ABAT: variants seen among roughly 807,000 people sequenced by gnomAD.
The protein encoded by ABAT is 4-aminobutyrate aminotransferase.
ABAT carries 45 observed loss-of-function variants against 64.6 expected under a neutral mutation model. The ratio of observed to expected loss-of-function variants is 0.70; its 90% confidence interval spans 0.55 to 0.89. The LOEUF is 0.89. ABAT is among the 40% of genes least tolerant of loss of function. The pLI, the probability that ABAT is intolerant of heterozygous loss-of-function variation, is 0.00. For missense variants in ABAT, 633 were observed against 658.4 expected (o/e 0.96, Z 0.42); for synonymous variants, 297 against 250.5 (o/e 1.19, Z -1.75).
intron 1 of ABAT, chr16:8,713,999 C>A (rs886416630): frequency 9.1e-6 from 4 of 437,462 alleles, no homozygotes; most frequent in East Asian, 7.1e-5. Flanking sequence ...CGGGGGGGCA[C>A]ACACCCTTGT....
intron 1 of ABAT, among the ~76,000 whole-genome samples, chr16:8,703,168 C>T (rs1349521593): frequency 2.0e-5 from 3 of 151,930 alleles, no homozygotes; most frequent in African/African-American, 7.3e-5. Flanking sequence ...TGTTAAGGGC[C>T]GGGTGCAGTG....
intron 5 of ABAT, among the ~76,000 whole-genome samples, chr16:8,755,638 C>G (rs370240387): frequency 6.6e-6 from 1 of 152,188 alleles, no homozygotes; most frequent in East Asian, 1.9e-4. Context: ...AGGCCGGGTT[C>G]GGTGGCTCAC....
intron 2 of ABAT, among the ~76,000 whole-genome samples, chr16:8,739,369 A>G (rs2142487220): frequency 6.6e-6 from 1 of 152,330 alleles, no homozygotes; most frequent in African/African-American, 2.4e-5. Flanking sequence ...TCATCAGGAA[A>G]ACGGGTCTAA....
intron 1 of ABAT, chr16:8,713,749 C>T (rs2058132964): frequency 5.5e-5 from 22 of 401,790 alleles, no homozygotes; most frequent in South Asian, 3.1e-4. Context: ...TGGTGCCCAA[C>T]GGCACCTCTT....
chr16:8,720,893 G>A (rs1213455169), intron 1 of ABAT: 1 of 152,276 alleles, frequency 6.6e-6, no homozygotes, highest in Non-Finnish European at 1.5e-5. Context: ...TGCATGCAAA[G>A]AGTTCGTGTT....
intron 6 of ABAT, among the ~76,000 whole-genome samples, chr16:8,761,116 C>A (rs2059783608): frequency 6.6e-6 from 1 of 151,768 alleles, no homozygotes; most frequent in Admixed American, 6.6e-5. Context: ...TCCCAGAAAA[C>A]AAAGGCCCAG....
At chr16:8,698,678 C>T (rs1172292870) in intron 1 of ABAT, among the ~76,000 whole-genome samples, 6 of 151,878 alleles carry the variant, frequency 4.0e-5, no homozygotes, top group East Asian at 3.9e-4. Flanking sequence ...GGCACGGTGG[C>T]TTATGCCTGT....
At chr16:8,733,817 G>A (rs1015626169) in intron 1 of ABAT, among the ~76,000 whole-genome samples, 3 of 144,724 alleles carry the variant, frequency 2.1e-5, no homozygotes, top group Non-Finnish European at 4.4e-5. Context: ...CGTGGAAAGA[G>A]AGGGAGAGGG....
At chr16:8,732,647 C>T (rs1378365864) in intron 1 of ABAT, among the ~76,000 whole-genome samples, 3 of 151,580 alleles carry the variant, frequency 2.0e-5, no homozygotes, top group Admixed American at 6.5e-5. Context: ...GGCAACCATC[C>T]GATTTCTCAA....
At position 8,770,461 on chromosome 16, in the gene ABAT, C is replaced by A. The variant is rs867678988; in HGVS notation, c.816+1488C>A. ...TTCTTTTCTTTTGTTTTGTTTGAGA[C>A]AGGGTCTCACTCTGTCACCCAGGCT... On this transcript the variant is annotated intron_variant, in intron 11 of 15. Transcript: ENST00000268251. Among the ~76,000 whole-genome samples the A allele has an allele frequency of 1.2e-4, 18 of 146,378 alleles. No individual in the cohort carries two copies. In the Middle Eastern group the frequency reaches 0.019, roughly 152 times the overall value.
chr16:8,756,236 G>A (rs1240556345), intron 5 of ABAT, among the ~76,000 whole-genome samples: 1 of 152,078 alleles, frequency 6.6e-6, no homozygotes, highest in Non-Finnish European at 1.5e-5. Context: ...GAGGGGAGGG[G>A]AAGGAATGGG....
At position 8,776,782 on chromosome 16, in the gene ABAT, T is replaced by G. The variant is rs1164073818; in HGVS notation, c.1269+292T>G. Among the ~76,000 whole-genome samples the G allele has an allele frequency of 6.6e-6, 1 of 152,196 alleles. No individual in the cohort carries two copies. The highest frequency in any genetic ancestry group is 2.4e-5 in the African/African-American group (1 of 41,456). On this transcript the variant is annotated intron_variant, in intron 14 of 15. Coordinates refer to ENST00000268251, the MANE Select transcript of ABAT (RefSeq NM_020686.6). The surrounding 1 kb of genome is among the most constrained non-coding windows in gnomAD (Gnocchi z 4.4). ...AATATTGAGACATGGTCAAGCTCTGTTAGCCAGTCCGGCCTTGAACTCCTG... is the reference window on the plus strand; with the variant it reads ...AATATTGAGACATGGTCAAGCTCTGGTAGCCAGTCCGGCCTTGAACTCCTG...
Position 8,764,396 on chromosome 16 carries a change from A to T in ABAT, c.447+247A>T, listed in dbSNP as rs1301892787. 1.3e-5 allele frequency among the ~76,000 whole-genome samples: 2 copies of T among 152,130 alleles called. No individual in the cohort carries two copies. Among genetic ancestry groups the T allele is most frequent in the Non-Finnish European group, 2.9e-5 (2 of 68,020 alleles). On this transcript the variant is annotated intron_variant, in intron 7 of 15. Coordinates refer to ENST00000268251, the MANE Select transcript of ABAT (RefSeq NM_020686.6). This position sits in a 1 kb window ranked among gnomAD's most constrained non-coding sequence, Gnocchi z 4.2. ...ATAGGAGCCTTGCATATGTCATTCA[A>T]TCCTGCCCCCACTTCTCGGTTTTAG...
chr16:8,742,463 C>T (rs940711645), intron 2 of ABAT, among the ~76,000 whole-genome samples: 4 of 152,146 alleles, frequency 2.6e-5, no homozygotes, highest in African/African-American at 9.7e-5. Flanking sequence ...AAGATCTGCA[C>T]TGGTGAAGAG....
At chr16:8,773,286 G>C (rs558514486) in intron 12 of ABAT, among the ~76,000 whole-genome samples, 1 of 151,994 alleles carries the variant, frequency 6.6e-6, no homozygotes, top group South Asian at 2.1e-4. Context: ...CGAGTAGCTG[G>C]GACTACAGGC....
chr16:8,777,169 G>T (rs1270848957), intron 14 of ABAT, among the ~76,000 whole-genome samples: 1 of 152,146 alleles, frequency 6.6e-6, no homozygotes, highest in African/African-American at 2.4e-5. Flanking sequence ...CCAAAGTGCT[G>T]GGATTTCACG....
Position 8,768,887 on chromosome 16 carries a change from C to T in ABAT, c.730C>T (p.Pro244Ser). 6.2e-7 allele frequency: 1 copy of T among 1,614,190 alleles called. No homozygotes were observed. The highest frequency in any genetic ancestry group is 8.5e-7 in the Non-Finnish European group (1 of 1,180,038). Residue 244 changes from proline to serine, a missense_variant, in exon 11 of 16, where the codon CCC becomes TCC. Transcript: ENST00000268251. The part of the protein sequence containing the change: ...HKIDIPSFDW[P>S]IAPFPRLKYP... ...GATCGACATCCCTTCCTTTGACTGG[C>T]CCATCGCACCGTTCCCACGGCTGAA...
chr16:8,766,343 G>A, intron 9 of ABAT, 73 bp downstream of exon 9: 1 of 1,474,230 alleles, frequency 6.8e-7, no homozygotes, highest in Non-Finnish European at 9.4e-7. Context: ...TTGCTGGCTG[G>A]CTGGCACTGT....
chr16:8,763,240 T>C (rs1428747164), intron 6 of ABAT, among the ~76,000 whole-genome samples: 1 of 151,882 alleles, frequency 6.6e-6, no homozygotes, highest in Non-Finnish European at 1.5e-5. Context: ...TAGATCCGAG[T>C]TGTGGTTCTG....
Sources: gnomAD v4.1 joint callset for allele counts (sites outside exome capture counted in the v4.1 genomes callset) on GRCh38, gnomAD v4.1.1 for gene constraint, Gnocchi (gnomAD v3.1) non-coding constraint, MANE v1.5 for transcripts, NCBI Gene and HGNC (gene_info 2026-07-23, HGNC 2026-07-21) for gene names.